CFAP70: variants seen among roughly 807,000 people sequenced by gnomAD.
CFAP70 encodes the protein cilia and flagella associated protein 70.
Under a neutral mutation model 137.6 loss-of-function variants are expected in CFAP70, and 81 were observed. The observed-to-expected ratio is 0.59, with a 90% CI of 0.49 to 0.71. CFAP70 has a LOEUF of 0.71. Ranked by LOEUF, CFAP70 falls within the 30% of genes least tolerant of loss-of-function variation. The probability of loss-of-function intolerance (pLI) is 0.00; values close to 1 mark genes in which losing one functional copy is unlikely to be tolerated. For missense variants in CFAP70, 976 were observed against 1,226.7 expected, an observed-to-expected ratio of 0.80 and a Z score of 3.05; for synonymous variants, 382 against 423.6, an observed-to-expected ratio of 0.90 and a Z score of 1.20.
At chr10:73,299,404 C>T (rs1288391495) in intron 13 of CFAP70, among the ~76,000 whole-genome samples, 2 of 152,082 alleles carry the variant, frequency 1.3e-5, no homozygotes, top group Non-Finnish European at 2.9e-5. Flanking sequence ...CTTTTCTTCC[C>T]AGCTGAGAGA....
chr10:73,337,423 G>T (rs1158579766), intron 6 of CFAP70, among the ~76,000 whole-genome samples: 1 of 152,204 alleles, frequency 6.6e-6, no homozygotes, highest in African/African-American at 2.4e-5. Flanking sequence ...GGCAGAGGTT[G>T]CAGTGAGCTG....
intron 25 of CFAP70, among the ~76,000 whole-genome samples, chr10:73,266,617 A>G (rs568406161): frequency 6.6e-6 from 1 of 152,228 alleles, no homozygotes; most frequent in Non-Finnish European, 1.5e-5. Flanking sequence ...ATGTAGTTTC[A>G]GATTTTAAAA....
intron 4 of CFAP70, among the ~76,000 whole-genome samples, chr10:73,345,900 AATTTT>A (rs905756570): frequency 6.6e-6 from 1 of 151,676 alleles, no homozygotes; most frequent in African/African-American, 2.4e-5. Context: ...TCATTTTTTT[AATTTT>A]ATTTTTTTTT....
intron 14 of CFAP70, among the ~76,000 whole-genome samples, chr10:73,298,269 G>A (rs1270365274): frequency 6.6e-6 from 1 of 152,178 alleles, no homozygotes; most frequent in Non-Finnish European, 1.5e-5. Flanking sequence ...AGTAAAATAT[G>A]AAGCATTGAT....
At chr10:73,303,323 T>C (rs899112262) in intron 12 of CFAP70, among the ~76,000 whole-genome samples, 10 of 152,190 alleles carry the variant, frequency 6.6e-5, no homozygotes, top group Non-Finnish European at 1.5e-4. Flanking sequence ...GTTCACACCA[T>C]TCTCCTGCCT....
intron 24 of CFAP70, 123 bp downstream of exon 25, chr10:73,272,805 C>T (rs1428053870): frequency 1.2e-6 from 1 of 842,226 alleles, no homozygotes; most frequent in Non-Finnish European, 2.0e-6. Flanking sequence ...AACAACTTTT[C>T]ATTACAGCAG....
intron 12 of CFAP70, 78 bp downstream of exon 13, chr10:73,310,080 C>CA: frequency 1.1e-6 from 1 of 870,162 alleles, no homozygotes; most frequent in Non-Finnish European, 1.8e-6. Flanking sequence ...AGGGAAATTA[C>CA]AATCGTGGGG....
chr10:73,292,113 A>C, intron 16 of CFAP70, 99 bp from the exon 18 acceptor site: 2 of 1,433,194 alleles, frequency 1.4e-6, no homozygotes, highest in Non-Finnish European at 1.9e-6. Context: ...AGTTCTATGA[A>C]AGCACAGATT....
intron 25 of CFAP70, among the ~76,000 whole-genome samples, chr10:73,258,806 C>T (rs964005146): frequency 2.6e-5 from 4 of 152,280 alleles, no homozygotes; most frequent in African/African-American, 7.2e-5. Flanking sequence ...AAAAAAGCCC[C>T]GGTTTCCTGT....
At chr10:73,344,994 G>T in intron 5 of CFAP70, 71 bp downstream of exon 6, 1 of 1,269,226 alleles carries the variant, frequency 7.9e-7, no homozygotes, top group Non-Finnish European at 1.1e-6. Context: ...AATCTTAGAG[G>T]TGAGGAAGAG....
intron 8 of CFAP70, among the ~76,000 whole-genome samples, chr10:73,328,089 T>C (rs2051664587): frequency 6.6e-6 from 1 of 152,110 alleles, no homozygotes; most frequent in African/African-American, 2.4e-5. Flanking sequence ...CTTCAAACTA[T>C]ACTACAAGTC....
chr10:73,281,024 A>G (rs553766641), intron 19 of CFAP70, among the ~76,000 whole-genome samples: 35 of 152,292 alleles, frequency 2.3e-4, no homozygotes, highest in African/African-American at 7.7e-4. Flanking sequence ...TTATTTTCCA[A>G]TATAAGCATT....
intron 26 of CFAP70, 55 bp downstream of exon 27, chr10:73,256,314 T>C: frequency 6.2e-7 from 1 of 1,601,470 alleles, no homozygotes. Flanking sequence ...ACCTCCCTCC[T>C]AATTTCCCAC....
intron 11 of CFAP70, among the ~76,000 whole-genome samples, chr10:73,311,536 GATGAATAAATGCTGCAGATGATGCA>G (rs1257407027): frequency 1.7e-4 from 26 of 152,298 alleles, no homozygotes; most frequent in African/African-American, 6.3e-4. Context: ...CCTGAAAGCA[GATGAATAAATGCTGCAGATGATGCA>G]TCTTTACATC....
At chr10:73,318,935 G>A (rs560608222) in intron 9 of CFAP70, among the ~76,000 whole-genome samples, 53 of 152,250 alleles carry the variant, frequency 3.5e-4, no homozygotes, top group Admixed American at 5.2e-4. Flanking sequence ...ACGCTTCTAC[G>A]AGCAGTGAAT....
At chr10:73,295,025 G>C (rs191207464) in intron 15 of CFAP70, 1 of 152,250 alleles carries the variant, frequency 6.6e-6, no homozygotes, top group African/African-American at 2.4e-5. Context: ...ATCTTAAAAA[G>C]AAAATCCCAG....
chr10:73,261,719 C>T (rs1490596861), intron 25 of CFAP70, among the ~76,000 whole-genome samples: 1 of 151,924 alleles, frequency 6.6e-6, no homozygotes, highest in African/African-American at 2.4e-5. Flanking sequence ...GCTGTCCGAG[C>T]TGGTCTCAAA....
rs568109636 is a variant in CFAP70, at chr10:73,356,692, G to T, written c.-39-1857C>A. Among the ~76,000 whole-genome samples, 12 of 152,216 alleles carry T rather than the reference G, an allele frequency of 7.9e-5. No individual in the cohort carries two copies. The South Asian group carries it at 2.5e-3, about 32-fold the overall frequency. The stretch of plus-strand genomic sequence containing the variant: ...ATCATTTGTTCAACAACATATTTCT[G>T]GGCTCTTTAAGGGCTTTAGTGGCAC... On this transcript the variant is annotated intron_variant, in intron 1 of 26. Coordinates refer to ENST00000310715, the Ensembl canonical transcript of CFAP70.
intron 12 of CFAP70, among the ~76,000 whole-genome samples, chr10:73,303,781 GTTA>G (rs2049147461): frequency 6.6e-6 from 1 of 152,282 alleles, no homozygotes; most frequent in African/African-American, 2.4e-5. Flanking sequence ...TAAGGATACT[GTTA>G]TACTGTCACT....
Sources: allele counts gnomAD v4.1 joint callset (sites outside exome capture counted in the v4.1 genomes callset), GRCh38; gene constraint gnomAD v4.1.1; transcripts MANE v1.5; gene names NCBI Gene and HGNC (gene_info 2026-07-23, HGNC 2026-07-21).